NFYC: variants seen among roughly 807,000 people sequenced by gnomAD.
NFYC encodes CAAT box DNA-binding protein subunit C.
Under a neutral mutation model 53.1 loss-of-function variants are expected in NFYC, and 25 were observed. The ratio of observed to expected loss-of-function variants is 0.47; its 90% CI spans 0.34 to 0.66. The LOEUF is 0.66. NFYC is among the 30% of genes least tolerant of loss of function. The pLI is 0.01. For synonymous variants in NFYC, 145 were observed against 152.6 expected (o/e 0.95, Z 0.37); for missense variants, 260 against 422.7 (o/e 0.62, Z 3.38).
intron 1 of NFYC, among the ~76,000 whole-genome samples, chr1:40,722,186 A>G (rs1431714639): frequency 6.6e-6 from 1 of 151,856 alleles, no homozygotes; most frequent in African/African-American, 2.4e-5. Flanking sequence ...ATATATATAA[A>G]TAAATAATTA....
intron 1 of NFYC, among the ~76,000 whole-genome samples, chr1:40,730,029 C>T (rs1405644066): frequency 2.6e-5 from 4 of 151,576 alleles, no homozygotes; most frequent in South Asian, 2.1e-4. Flanking sequence ...TTCTAGCTTT[C>T]GATTGATTGA....
chr1:40,710,244 A>G (rs930991816), intron 1 of NFYC, among the ~76,000 whole-genome samples: 1 of 152,262 alleles, frequency 6.6e-6, no homozygotes, highest in Non-Finnish European at 1.5e-5. Context: ...TTATATTGAC[A>G]GTGATGAGCA....
At chr1:40,715,560 T>C (rs2148470497) in intron 1 of NFYC, among the ~76,000 whole-genome samples, 1 of 152,268 alleles carries the variant, frequency 6.6e-6, no homozygotes, top group East Asian at 1.9e-4. Flanking sequence ...CTTTTTAATG[T>C]GTTCTGCTAC....
chr1:40,739,086 T>C (rs1372790840), intron 2 of NFYC, 138 bp downstream of exon 2: 2 of 644,028 alleles, frequency 3.1e-6, no homozygotes, highest in Non-Finnish European at 5.4e-6. Context: ...GACCTGTGGG[T>C]AGGAAAATGA....
intron 4 of NFYC, 111 bp from the exon 5 acceptor site, chr1:40,753,040 G>A (rs138389358): frequency 2.0e-5 from 14 of 692,118 alleles, no homozygotes; most frequent in Non-Finnish European, 3.1e-5. Flanking sequence ...AGACTTGCCC[G>A]TAGGTGTTTA....
Position 40,766,706 on chromosome 1 carries a change from A to G in NFYC, c.828+3A>G. On this transcript the variant is annotated splice_donor_region_variant and intron_variant, in intron 8 of 9. Transcript: ENST00000447388. ...CACTTGCCACCAATGCTCAACAGGT[A>G]TGTGCCCCAGAGACACAAGGCCTGT... The G allele has an allele frequency of 6.2e-7, 1 of 1,612,738 alleles. No individual in the cohort carries two copies. The highest frequency in any genetic ancestry group is 1.1e-5 in the South Asian group (1 of 91,058).
At chr1:40,707,124 C>T (rs893204131) in intron 1 of NFYC, among the ~76,000 whole-genome samples, 2 of 150,964 alleles carry the variant, frequency 1.3e-5, no homozygotes, top group African/African-American at 4.9e-5. Context: ...GAGCTGAGAT[C>T]GCACCGTTGT....
At chr1:40,693,075 G>A (rs1160366110) in intron 1 of NFYC, among the ~76,000 whole-genome samples, 1 of 152,150 alleles carries the variant, frequency 6.6e-6, no homozygotes, top group Non-Finnish European at 1.5e-5. Context: ...GAAATTTTCG[G>A]TCTTGGTTTA....
intron 5 of NFYC, among the ~76,000 whole-genome samples, chr1:40,756,828 C>A (rs548084469): frequency 6.6e-6 from 1 of 152,170 alleles, no homozygotes; most frequent in African/African-American, 2.4e-5. Flanking sequence ...CCTGGGAACG[C>A]GGGGGATAGC....
intron 1 of NFYC, among the ~76,000 whole-genome samples, chr1:40,733,471 C>T (rs1294803678): frequency 2.7e-5 from 4 of 149,172 alleles, no homozygotes; most frequent in Admixed American, 6.7e-5. Flanking sequence ...GGCAACAGAG[C>T]GAAACCCTGG....
intron 1 of NFYC, among the ~76,000 whole-genome samples, chr1:40,713,206 G>A (rs866092550): frequency 6.6e-6 from 1 of 152,170 alleles, no homozygotes; most frequent in Non-Finnish European, 1.5e-5. Flanking sequence ...CCCCCCAGGG[G>A]TGGGGTTGAT....
intron 1 of NFYC, among the ~76,000 whole-genome samples, chr1:40,724,551 C>T (rs2148505696): frequency 6.6e-6 from 1 of 152,200 alleles, no homozygotes; most frequent in South Asian, 2.1e-4. Context: ...TGTTTTATTG[C>T]TGTTATATAT....
chr1:40,745,082 A>G (rs1645538863), intron 2 of NFYC, among the ~76,000 whole-genome samples: 1 of 152,198 alleles, frequency 6.6e-6, no homozygotes, highest in Non-Finnish European at 1.5e-5. Context: ...AGCTTATTAT[A>G]AATTTCTGCC....
intron 1 of NFYC, among the ~76,000 whole-genome samples, chr1:40,718,488 T>C (rs1249773492): frequency 6.6e-6 from 1 of 152,242 alleles, no homozygotes; most frequent in East Asian, 1.9e-4. Context: ...TCAACTCTCA[T>C]ATTATAGACT....
At position 40,718,300 on chromosome 1, in the gene NFYC, G is replaced by A. The variant is rs567074175; in HGVS notation, c.-8-20536G>A. ...TTATCATCCCCCATTTTGAGGGTGA[G>A]AAAATAGAAGGCAGAGCCTAGTGAC... is the stretch of plus-strand genomic sequence containing the variant. On this transcript the variant is annotated intron_variant, in intron 1 of 9. Transcript: ENST00000447388. 2.0e-5 allele frequency among the ~76,000 whole-genome samples: 3 copies of A among 152,326 alleles called. No individual in the cohort carries two copies. The East Asian group carries it at 5.8e-4, about 29-fold the overall frequency.
At chr1:40,766,522 T>C (rs34212676) in intron 7 of NFYC, 74 bp from the exon 8 acceptor site, 267,156 of 1,115,520 alleles carry the variant, frequency 0.24, 34,893 homozygotes, top group East Asian at 0.4. Context: ...TCAACATCTC[T>C]GGTCATGGAA....
intron 1 of NFYC, among the ~76,000 whole-genome samples, chr1:40,710,594 G>A (rs1643898564): frequency 6.6e-6 from 1 of 152,184 alleles, no homozygotes; most frequent in East Asian, 1.9e-4. Flanking sequence ...GAAGGTCATT[G>A]GAACATTTCT....
At chr1:40,751,025 C>T (rs1645884984) in intron 4 of NFYC, among the ~76,000 whole-genome samples, 1 of 152,204 alleles carries the variant, frequency 6.6e-6, no homozygotes, top group Non-Finnish European at 1.5e-5. Flanking sequence ...TGTAACCCAG[C>T]CATTTCATTC....
intron 2 of NFYC, among the ~76,000 whole-genome samples, chr1:40,742,870 C>A (rs572480951): frequency 6.6e-6 from 1 of 152,156 alleles, no homozygotes; most frequent in African/African-American, 2.4e-5. Context: ...TCTCTGACTG[C>A]GCTGCTGCCT....
Sources: gnomAD v4.1 joint callset for allele counts (sites outside exome capture counted in the v4.1 genomes callset) on GRCh38, gnomAD v4.1.1 for gene constraint, MANE v1.5 for transcripts, NCBI Gene and HGNC (gene_info 2026-07-23, HGNC 2026-07-21) for gene names.